CCDC186: variants seen among roughly 807,000 people sequenced by gnomAD.
The protein encoded by CCDC186 is coiled-coil domain containing 186.
In CCDC186, 49 loss-of-function variants were observed where a neutral mutation model predicts 113.7. That is an observed-to-expected ratio of 0.43 (90% CI 0.34 to 0.55). The LOEUF (loss-of-function observed/expected upper bound fraction) is 0.55, where lower values mean the gene tolerates loss of function less well. Ranked by LOEUF, CCDC186 falls within the 20% of genes least tolerant of loss-of-function variation. CCDC186 has a pLI of 0.02. For synonymous variants in CCDC186, 355 were observed against 345.8 expected, an observed-to-expected ratio of 1.03 and a Z score of -0.30; for missense variants, 890 against 1,011.1, an observed-to-expected ratio of 0.88 and a Z score of 1.62.
intron 14 of CCDC186, among the ~76,000 whole-genome samples, chr10:114,126,679 T>A (rs941772013): frequency 1.3e-5 from 2 of 152,244 alleles, no homozygotes; most frequent in Non-Finnish European, 2.9e-5. Context: ...TTGCTCAATT[T>A]CTGTTAATAT....
intron 3 of CCDC186, among the ~76,000 whole-genome samples, chr10:114,156,476 A>G (rs1258569318): frequency 6.6e-6 from 1 of 152,222 alleles, no homozygotes; most frequent in Non-Finnish European, 1.5e-5. Context: ...TAATCCCAGA[A>G]CTGGGAGGCC....
intron 1 of CCDC186, among the ~76,000 whole-genome samples, chr10:114,165,422 GGT>G (rs1420019517): frequency 6.6e-6 from 1 of 152,234 alleles, no homozygotes; most frequent in Admixed American, 6.5e-5. Flanking sequence ...GGCTGGGCGT[GGT>G]GGCTCACGCC....
intron 9 of CCDC186, among the ~76,000 whole-genome samples, chr10:114,135,605 T>C (rs2031234490): frequency 6.6e-6 from 1 of 152,178 alleles, no homozygotes; most frequent in African/African-American, 2.4e-5. Context: ...AATTGATTCG[T>C]TGATGAGACT....
intron 7 of CCDC186, 108 bp from the exon 8 acceptor site, chr10:114,136,354 C>T: frequency 5.7e-6 from 4 of 701,536 alleles, no homozygotes; most frequent in South Asian, 1.9e-5. Context: ...ATTTCTGTTA[C>T]GTTAGGATAA....
chr10:114,139,639 G>GT (rs1352155011), intron 6 of CCDC186, among the ~76,000 whole-genome samples: 1 of 151,314 alleles, frequency 6.6e-6, no homozygotes, highest in Non-Finnish European at 1.5e-5. Context: ...AATCTACCAT[G>GT]TAAGTACTGA....
At chr10:114,166,327 C>A (rs1456509777) in intron 1 of CCDC186, among the ~76,000 whole-genome samples, 1 of 152,182 alleles carries the variant, frequency 6.6e-6, no homozygotes, top group East Asian at 1.9e-4. Flanking sequence ...TGGCTTTGTT[C>A]TCAACTAGAA....
At chr10:114,133,383 T>C (rs1360715751) in intron 10 of CCDC186, among the ~76,000 whole-genome samples, 1 of 152,152 alleles carries the variant, frequency 6.6e-6, no homozygotes, top group Non-Finnish European at 1.5e-5. Flanking sequence ...AGGAGAAGCA[T>C]GGGACAGAGA....
Position 114,127,504 on chromosome 10 carries a change from C to G in CCDC186, c.2350G>C (p.Asp784His). Residue 784 changes from aspartate (D) to histidine (H), a missense_variant, in exon 14 of 16, where the codon GAC becomes CAC. By Grantham distance (81) the Asp-to-His change is moderately conservative. Coordinates refer to ENST00000369287, the MANE Select transcript of CCDC186 (RefSeq NM_018017.4). ...TCTTCCACCAGTTGTTTGATGTGGT[C>G]CTCCATAAATTCTATCTTTTCATTT... ...RKNEKIEFME[D>H]HIKQLVEEIR... The G allele has an allele frequency of 6.2e-7, 1 of 1,613,894 alleles. No homozygotes were observed. Among genetic ancestry groups the G allele is most frequent in the African/African-American group, 1.3e-5 (1 of 74,984 alleles).
At chr10:114,172,105 G>A (rs1029557078) in intron 1 of CCDC186, among the ~76,000 whole-genome samples, 2 of 151,902 alleles carry the variant, frequency 1.3e-5, no homozygotes, top group Non-Finnish European at 2.9e-5. Context: ...TTTTAAGGTA[G>A]AGATAAAAGA....
Position 114,135,911 on chromosome 10 carries a change from A to G in CCDC186, c.1492T>C (p.Leu498=). 1 of 1,612,224 alleles carries G rather than the reference A, an allele frequency of 6.2e-7. No homozygotes were observed. The highest frequency in any genetic ancestry group is 2.2e-5 in the East Asian group (1 of 44,742). ...KRTFKEGMDE[L]RTLRTKVKCL... ...ATTACCTTTGTTCTCAGTGTTCTTA[A>G]CTCATCCATACCCTCCTTAAATGTT... The change falls in exon 9 of 16, where the codon TTA becomes CTA. Residue 498 remains leucine, a synonymous_variant. Coordinates refer to ENST00000369287, the MANE Select transcript of CCDC186 (RefSeq NM_018017.4).
Position 114,122,884 on chromosome 10 carries a change from G to A in CCDC186, c.*2259C>T, listed in dbSNP as rs1207388179. 2 of 152,146 alleles carry A rather than the reference G, an allele frequency of 1.3e-5. No homozygotes were observed. The highest frequency in any genetic ancestry group is 4.8e-5 in the African/African-American group (2 of 41,446). The allele number at this position is 152,146 out of a possible 1,614,324, so 9.4% of individuals were successfully genotyped here. A position where few individuals can be genotyped will look rare whatever the true frequency, so the allele number is the denominator to read the frequency against. ...AGGTAATAGAGTCAAAATATTGTTT[G>A]TAATACTTTTCTTCTAAAATTTTCT... On this transcript the variant is annotated 3_prime_UTR_variant, in exon 16 of 16. Transcript: ENST00000369287.
chr10:114,166,214 C>T (rs982384528), intron 1 of CCDC186, among the ~76,000 whole-genome samples: 2 of 152,152 alleles, frequency 1.3e-5, no homozygotes, highest in African/African-American at 4.8e-5. Flanking sequence ...CTTTTCCATT[C>T]TTATCTCTCA....
rs764196515 is a variant in CCDC186, at chr10:114,135,071, A to G, written c.1513-16T>C. 6.3e-7 allele frequency: 1 copy of G among 1,595,284 alleles called. No homozygotes were observed. The highest frequency in any genetic ancestry group is 8.5e-7 in the Non-Finnish European group (1 of 1,174,564). ...GACATTTCACCTATCAAATGATCAC[A>G]ACCAAGTTACAAACCATGTATTCTT... On this transcript the variant is annotated splice_polypyrimidine_tract_variant and intron_variant, in intron 9 of 15. Coordinates refer to ENST00000369287, the MANE Select transcript of CCDC186 (RefSeq NM_018017.4).
chr10:114,125,363 T>C (rs1375384021), intron 15 of CCDC186, 137 bp from the exon 16 acceptor site: 5 of 588,842 alleles, frequency 8.5e-6, no homozygotes, highest in African/African-American at 3.9e-5. Flanking sequence ...TCAGATAAAC[T>C]AGTGACACAC....
At chr10:114,158,870 C>T (rs1307019347) in intron 2 of CCDC186, among the ~76,000 whole-genome samples, 1 of 152,188 alleles carries the variant, frequency 6.6e-6, no homozygotes, top group African/African-American at 2.4e-5. Context: ...TTAACTCAAC[C>T]AGTACTTACT....
chr10:114,152,024 G>T (rs1358934302), intron 3 of CCDC186, among the ~76,000 whole-genome samples: 1 of 152,082 alleles, frequency 6.6e-6, no homozygotes, highest in Non-Finnish European at 1.5e-5. Context: ...AAAAGTTATG[G>T]CCACACTGCA....
intron 13 of CCDC186, among the ~76,000 whole-genome samples, chr10:114,129,639 C>T (rs529785592): frequency 1.8e-4 from 27 of 152,244 alleles, no homozygotes; most frequent in African/African-American, 6.0e-4. Flanking sequence ...AAGTGATTCT[C>T]GTGCCTCAGC....
Position 114,132,064 on chromosome 10 carries a change from T to C in CCDC186, c.1776A>G (p.Thr592=), listed in dbSNP as rs375293258. ...GTGCATTCTTACTAGTGAGCCTTTC[T>C]GTAAACAGCAGCAGCTCAGATTCTC... ...RKRESELLLF[T]ERLTSKNAQL... The change falls in exon 11 of 16, where the codon ACA becomes ACG. Residue 592 remains threonine, a synonymous_variant. Coordinates refer to ENST00000369287, the MANE Select transcript of CCDC186 (RefSeq NM_018017.4). 12 of 1,613,544 alleles carry C rather than the reference T, an allele frequency of 7.4e-6. No individual in the cohort carries two copies. The highest frequency in any genetic ancestry group is 9.3e-6 in the Non-Finnish European group (11 of 1,179,826).
At chr10:114,136,867 C>T (rs2031276940) in intron 7 of CCDC186, among the ~76,000 whole-genome samples, 1 of 152,092 alleles carries the variant, frequency 6.6e-6, no homozygotes, top group African/African-American at 2.4e-5. Context: ...GCCTGTAATC[C>T]TAGCACTTTG....
Sources: allele counts gnomAD v4.1 joint callset (sites outside exome capture counted in the v4.1 genomes callset), GRCh38; gene constraint gnomAD v4.1.1; transcripts MANE v1.5; gene names NCBI Gene and HGNC (gene_info 2026-07-23, HGNC 2026-07-21).